RNF220: variants seen among roughly 807,000 people sequenced by gnomAD.
RNF220 encodes E3 ubiquitin-protein ligase RNF220.
In RNF220, 7 loss-of-function variants were observed where a neutral mutation model predicts 67.1. That is an observed-to-expected ratio of 0.10 (90% CI 0.06 to 0.20). The LOEUF (loss-of-function observed/expected upper bound fraction) is 0.20, where lower values mean the gene tolerates loss of function less well. RNF220 is among the 10% of genes least tolerant of loss of function. The pLI is 1.00. For missense variants in RNF220, 565 were observed against 740.3 expected (o/e 0.76, Z 2.75); for synonymous variants, 270 against 283.2 (o/e 0.95, Z 0.47).
intron 6 of RNF220, among the ~76,000 whole-genome samples, chr1:44,633,434 G>A (rs1336381699): frequency 6.6e-6 from 1 of 152,164 alleles, no homozygotes; most frequent in East Asian, 1.9e-4. Context: ...CTACTCGTAC[G>A]TAGCCTCTGG....
At chr1:44,406,706 G>A (rs1464417781) in intron 1 of RNF220, among the ~76,000 whole-genome samples, 1 of 132,068 alleles carries the variant, frequency 7.6e-6, no homozygotes, top group African/African-American at 2.7e-5. Context: ...CCCCCAACCC[G>A]GGGCTTTTCA....
intron 2 of RNF220, among the ~76,000 whole-genome samples, chr1:44,609,381 C>T (rs1364163705): frequency 1.3e-5 from 2 of 152,188 alleles, no homozygotes; most frequent in African/African-American, 4.8e-5. Flanking sequence ...GAGAATGGAA[C>T]TCTCATGCAA....
At chr1:44,623,056 T>C (rs1643862273) in intron 4 of RNF220, among the ~76,000 whole-genome samples, 1 of 152,020 alleles carries the variant, frequency 6.6e-6, no homozygotes, top group Non-Finnish European at 1.5e-5. Context: ...GAGCCAAGAA[T>C]GGCCTGGGAG....
chr1:44,451,038 C>T (rs1036981528), intron 2 of RNF220, among the ~76,000 whole-genome samples: 4 of 152,076 alleles, frequency 2.6e-5, no homozygotes, highest in Non-Finnish European at 4.4e-5. Context: ...AAAAAATTAG[C>T]GGGGCGTGGT....
intron 2 of RNF220, among the ~76,000 whole-genome samples, chr1:44,532,294 C>T (rs1271210346): frequency 6.6e-6 from 1 of 152,196 alleles, no homozygotes; most frequent in Non-Finnish European, 1.5e-5. Context: ...ACCTTATCAA[C>T]TAAAACCCCT....
chr1:44,589,908 G>A (rs1049449771), intron 2 of RNF220, among the ~76,000 whole-genome samples: 3 of 152,182 alleles, frequency 2.0e-5, no homozygotes, highest in Admixed American at 2.0e-4. Context: ...GAGAAGGGGT[G>A]CACACAATCA....
rs1355951636 is a variant in RNF220 at position 44,600,510 on chromosome 1, A to G, written c.626-13655A>G. On this transcript the variant is annotated intron_variant, in intron 2 of 14. Transcript: ENST00000361799. This position sits in a 1 kb window ranked among gnomAD's most constrained non-coding sequence, Gnocchi z 4.0. ...TCTCTACGCCTCTGTTTCCTTACTTATAAAATAGGGATTAAATAGTACAGT... is the reference window on the plus strand; with the variant it reads ...TCTCTACGCCTCTGTTTCCTTACTTGTAAAATAGGGATTAAATAGTACAGT... 6.6e-6 allele frequency among the ~76,000 whole-genome samples: 1 copy of G among 152,152 alleles called. No homozygotes were observed. The highest frequency in any genetic ancestry group is 6.5e-5 in the Admixed American group (1 of 15,270).
intron 2 of RNF220, among the ~76,000 whole-genome samples, chr1:44,450,010 G>C (rs11211002): frequency 6.6e-6 from 1 of 152,010 alleles, no homozygotes; most frequent in South Asian, 2.1e-4. Context: ...TTGGGAGTTC[G>C]AGACCAGCCT....
rs146270988 is a variant in RNF220 at position 44,412,097 on chromosome 1, G to A, written c.-1G>A. 286 of 1,604,606 alleles carry A rather than the reference G, an allele frequency of 1.8e-4. No individual in the cohort carries two copies. The highest frequency in any genetic ancestry group is 2.3e-4 in the Non-Finnish European group (265 of 1,173,780). ...AACGCCGGCCACAGAAAGAGACTCC[G>A]ATGGACTTACACCGGGCAGCCTTCA... On this transcript the variant is annotated 5_prime_UTR_variant, in exon 2 of 15. Transcript: ENST00000361799. This position sits in a 1 kb window ranked among gnomAD's most constrained non-coding sequence, Gnocchi z 5.3.
intron 2 of RNF220, among the ~76,000 whole-genome samples, chr1:44,432,381 G>C (rs1650482046): frequency 6.7e-6 from 1 of 150,280 alleles, no homozygotes; most frequent in African/African-American, 2.5e-5. Context: ...AGTGATTCTT[G>C]TGTCTCAGCC....
intron 2 of RNF220, among the ~76,000 whole-genome samples, chr1:44,563,410 C>T (rs1353321576): frequency 1.3e-5 from 2 of 152,212 alleles, no homozygotes; most frequent in Non-Finnish European, 2.9e-5. Context: ...CAGGGGGCCC[C>T]GCTTCCCTCC....
chr1:44,434,764 T>C (rs1440837502), intron 2 of RNF220, among the ~76,000 whole-genome samples: 1 of 150,394 alleles, frequency 6.6e-6, no homozygotes, highest in African/African-American at 2.5e-5. Context: ...AACAGATTGA[T>C]GTAGGGAAAG....
intron 2 of RNF220, among the ~76,000 whole-genome samples, chr1:44,433,012 C>T (rs563749056): frequency 2.4e-4 from 37 of 151,848 alleles, no homozygotes; most frequent in African/African-American, 8.5e-4. Flanking sequence ...TCACTACAAC[C>T]TCCGCCTTCT....
At chr1:44,545,068 C>T (rs1662010691) in intron 2 of RNF220, among the ~76,000 whole-genome samples, 1 of 152,228 alleles carries the variant, frequency 6.6e-6, no homozygotes, top group Non-Finnish European at 1.5e-5. Context: ...GAGCTTACGC[C>T]GTAGTTCTCT....
At chr1:44,413,501 A>G (rs192699903) in intron 2 of RNF220, among the ~76,000 whole-genome samples, 1 of 152,306 alleles carries the variant, frequency 6.6e-6, no homozygotes, top group Admixed American at 6.5e-5. Context: ...TTATAGCTGG[A>G]ACTAAACCTT....
intron 2 of RNF220, among the ~76,000 whole-genome samples, chr1:44,483,226 C>T (rs1036167471): frequency 8.5e-5 from 13 of 152,132 alleles, no homozygotes; most frequent in African/African-American, 2.4e-4. Context: ...CTACCATGCC[C>T]AGCCCAAGCA....
intron 2 of RNF220, among the ~76,000 whole-genome samples, chr1:44,536,300 G>A (rs1256839145): frequency 1.3e-5 from 2 of 152,222 alleles, no homozygotes; most frequent in African/African-American, 4.8e-5. Context: ...CTCAGAACAA[G>A]GCTGCCTTCA....
chr1:44,578,144 CTTTT>C (rs749348924), intron 2 of RNF220, among the ~76,000 whole-genome samples: 2 of 117,154 alleles, frequency 1.7e-5, no homozygotes, highest in African/African-American at 3.4e-5. Context: ...TCTTTCTTTC[CTTTT>C]TTTTTTTTTT....
chr1:44,534,617 T>C (rs1661066325), intron 2 of RNF220, among the ~76,000 whole-genome samples: 1 of 152,206 alleles, frequency 6.6e-6, no homozygotes, highest in Admixed American at 6.5e-5. Context: ...CATTGTTCTT[T>C]CCTTAGATTT....
Sources: gnomAD v4.1 joint callset for allele counts (sites outside exome capture counted in the v4.1 genomes callset) on GRCh38, gnomAD v4.1.1 for gene constraint, Gnocchi (gnomAD v3.1) non-coding constraint, MANE v1.5 for transcripts, NCBI Gene and HGNC (gene_info 2026-07-23, HGNC 2026-07-21) for gene names.